Variants in L2HGDH observed in about 807,000 individuals in gnomAD.
The protein encoded by L2HGDH is L-2-hydroxyglutarate dehydrogenase, mitochondrial.
L2HGDH carries 34 observed loss-of-function variants against 51.5 expected under a neutral mutation model. The observed-to-expected ratio is 0.66, with a 90% CI of 0.50 to 0.88. The LOEUF is 0.88. Ranked by LOEUF, L2HGDH falls within the 40% of genes least tolerant of loss-of-function variation. L2HGDH has a pLI of 0.00. For synonymous variants in L2HGDH, 198 were observed against 197.9 expected, an observed-to-expected ratio of 1.00 and a Z score of -0.01; for missense variants, 558 against 571.9, an observed-to-expected ratio of 0.98 and a Z score of 0.25.
intron 5 of L2HGDH, chr14:50,282,607 T>C (rs1314682257): frequency 2.3e-6 from 1 of 433,828 alleles, no homozygotes; most frequent in Non-Finnish European, 4.6e-6. Flanking sequence ...ACTCACTACT[T>C]GTACAACCAT....
At chr14:50,283,808 G>A in intron 5 of L2HGDH, 63 bp downstream of exon 5, 1 of 1,455,414 alleles carries the variant, frequency 6.9e-7, no homozygotes, top group Non-Finnish European at 9.6e-7. Context: ...TAAAACCACA[G>A]ATGCAAAACC....
intron 6 of L2HGDH, among the ~76,000 whole-genome samples, chr14:50,270,889 GC>G (rs1031423512): frequency 6.6e-6 from 1 of 152,074 alleles, no homozygotes; most frequent in African/African-American, 2.4e-5. Context: ...AGAAAGTTAA[GC>G]CTCTTTTCAG....
Position 50,267,828 on chromosome 14 carries a change from A to C in L2HGDH, c.989T>G (p.Val330Gly). Residue 330 changes from valine to glycine, a missense_variant, in exon 8 of 10, where the codon GTT becomes GGT. By Grantham distance (109) the Val-to-Gly change is moderately radical (BLOSUM62 -3). Transcript: ENST00000267436. Reference sequence around the variant, plus strand: ...GTAACCCTCTCGTTTAAAGGCAAGAACTGCATTAGGCCCTAGCCAAATACT... The same window carrying C: ...GTAACCCTCTCGTTTAAAGGCAAGACCTGCATTAGGCCCTAGCCAAATACT... Reference protein sequence around the residue: ...DGSIWLGPNAVLAFKREGYRP... With the variant: ...DGSIWLGPNAGLAFKREGYRP... 6.2e-7 allele frequency: 1 copy of C among 1,613,896 alleles called. No individual in the cohort carries two copies. Among genetic ancestry groups the C allele is most frequent in the Non-Finnish European group, 8.5e-7 (1 of 1,179,728 alleles).
intron 4 of L2HGDH, among the ~76,000 whole-genome samples, chr14:50,285,155 G>A (rs1251606899): frequency 6.6e-6 from 1 of 152,164 alleles, no homozygotes; most frequent in Non-Finnish European, 1.5e-5. Context: ...GCTGAGGCAG[G>A]AGAATTGCTT....
At chr14:50,277,204 TTTG>T (rs1197618418) in intron 6 of L2HGDH, among the ~76,000 whole-genome samples, 2 of 127,872 alleles carry the variant, frequency 1.6e-5, no homozygotes, top group East Asian at 3.4e-4. Context: ...CTGTTTTTTT[TTTG>T]TTTTTTTTTT....
At chr14:50,295,404 T>A (rs763395112) in intron 3 of L2HGDH, among the ~76,000 whole-genome samples, 4 of 151,682 alleles carry the variant, frequency 2.6e-5, no homozygotes, top group Non-Finnish European at 4.4e-5. Context: ...TTTTTAAAAT[T>A]TCTATTTATT....
intron 9 of L2HGDH, among the ~76,000 whole-genome samples, chr14:50,260,008 AG>A (rs1566507303): frequency 1.3e-5 from 2 of 150,980 alleles, no homozygotes; most frequent in East Asian, 1.9e-4. Context: ...AGAGAGAGAG[AG>A]AGATTGATTG....
intron 6 of L2HGDH, among the ~76,000 whole-genome samples, chr14:50,274,279 A>G (rs2139995581): frequency 7.1e-6 from 1 of 140,284 alleles, no homozygotes; most frequent in South Asian, 2.3e-4. Context: ...TGTCTCAAAA[A>G]AAAAAAAGGG....
intron 1 of L2HGDH, among the ~76,000 whole-genome samples, chr14:50,305,087 G>C (rs2030650358): frequency 6.6e-6 from 1 of 152,204 alleles, no homozygotes; most frequent in South Asian, 2.1e-4. Flanking sequence ...ACCAGAAACA[G>C]ATCCTAGACA....
chr14:50,244,596 T>G lies in L2HGDH; in HGVS notation c.*2462A>C. The G allele has an allele frequency of 1.0e-6, 1 of 985,470 alleles. No homozygotes were observed. 61.0% of individuals were successfully genotyped at this position (985,470 alleles called of 1,614,324 possible). On this transcript the variant is annotated 3_prime_UTR_variant, in exon 10 of 10. Coordinates refer to ENST00000267436, the MANE Select transcript of L2HGDH (RefSeq NM_024884.3). ...TAGGGCTTGTTTCTTCTGTCATTGA[T>G]ATCTGAATGCTTTTAATATACTCAT...
intron 6 of L2HGDH, 120 bp downstream of exon 6, chr14:50,278,400 T>G: frequency 1.5e-6 from 1 of 664,968 alleles, no homozygotes; most frequent in South Asian, 1.8e-5. Flanking sequence ...AGAAATTCTC[T>G]CAGAATTACA....
chr14:50,312,033 C>A lies in L2HGDH; in HGVS notation c.118G>T (p.Gly40Cys). The change falls in exon 1 of 10, where the codon GGT becomes TGT. Residue 40 changes from glycine (G) to cysteine (C), a missense_variant. Gly to Cys is a radical substitution (Grantham distance 159, BLOSUM62 -3). This residue lies in a region of L2HGDH where 194 missense variants were observed against 187.2 expected (regional missense o/e 1.04). Transcript: ENST00000267436. ...CACCTGGTGCTGGCGCTGCGGCTAC[C>A]TCCACACAGCGGTCTTGGCCTCCCA... ...ASGRPRPLCG[G>C]SRSASTSSFD... 6.3e-7 allele frequency: 1 copy of A among 1,579,030 alleles called. No homozygotes were observed. The highest frequency in any genetic ancestry group is 2.3e-5 in the East Asian group (1 of 43,386).
At chr14:50,307,707 C>G (rs1258473216) in intron 1 of L2HGDH, among the ~76,000 whole-genome samples, 1 of 152,184 alleles carries the variant, frequency 6.6e-6, no homozygotes, top group Non-Finnish European at 1.5e-5. Flanking sequence ...TTCATCCCCT[C>G]CTGTATTATA....
At chr14:50,275,972 C>A (rs1331326733) in intron 6 of L2HGDH, among the ~76,000 whole-genome samples, 1 of 152,118 alleles carries the variant, frequency 6.6e-6, no homozygotes, top group Non-Finnish European at 1.5e-5. Flanking sequence ...ACTGCAACAC[C>A]TGGCCACTTT....
At chr14:50,308,565 C>T (rs1455633636) in intron 1 of L2HGDH, among the ~76,000 whole-genome samples, 1 of 152,228 alleles carries the variant, frequency 6.6e-6, no homozygotes, top group Non-Finnish European at 1.5e-5. Context: ...GATATCACTA[C>T]GTCTCTATCA....
rs1265127200 is a variant in L2HGDH, at chr14:50,282,259, C to T, written c.703+1612G>A. On this transcript the variant is annotated intron_variant, in intron 5 of 9. Transcript: ENST00000267436. ...CCGGATAGCCCCCTACGACAAAGAA[C>T]GATCTGGCCCCAATATCAATAGTGT... 5.9e-5 allele frequency among the ~76,000 whole-genome samples: 9 copies of T among 152,126 alleles called. No homozygotes were observed. The East Asian group carries it at 9.6e-4, about 16-fold the overall frequency.
Position 50,242,941 on chromosome 14 carries a change from A to C in L2HGDH, c.*4117T>G. On this transcript the variant is annotated 3_prime_UTR_variant, in exon 10 of 10. Transcript: ENST00000267436. Reference sequence around the variant, plus strand: ...GTTTACAGGGATAGCTCATAGGTACAGCCATCAGGGTTGGATTGCCTCCAA... The same window carrying C: ...GTTTACAGGGATAGCTCATAGGTACCGCCATCAGGGTTGGATTGCCTCCAA... 1.0e-6 allele frequency: 1 copy of C among 985,494 alleles called. No homozygotes were observed. Among genetic ancestry groups the C allele is most frequent in the Admixed American group, 6.1e-5 (1 of 16,288 alleles). 61.0% of individuals were successfully genotyped at this position (985,494 alleles called of 1,614,324 possible).
intron 9 of L2HGDH, among the ~76,000 whole-genome samples, chr14:50,261,551 T>C (rs1035654263): frequency 6.6e-6 from 1 of 152,086 alleles, no homozygotes; most frequent in Non-Finnish European, 1.5e-5. Flanking sequence ...AGTGCAATAA[T>C]GGCTAACTGT....
intron 4 of L2HGDH, among the ~76,000 whole-genome samples, chr14:50,291,509 C>G (rs1890886035): frequency 6.6e-6 from 1 of 152,048 alleles, no homozygotes; most frequent in Admixed American, 6.6e-5. Flanking sequence ...TGACTGGGTG[C>G]CAGGAAAGGA....
Sources: allele counts gnomAD v4.1 joint callset (sites outside exome capture counted in the v4.1 genomes callset), GRCh38; gene constraint gnomAD v4.1.1; regional missense constraint gnomAD v4.1.1; transcripts MANE v1.5; gene names NCBI Gene and HGNC (gene_info 2026-07-23, HGNC 2026-07-21).